Variants in RNF220 observed in about 807,000 individuals in gnomAD.
RNF220 encodes ring finger protein 220, also known as E3 ubiquitin-protein ligase RNF220.
RNF220 carries 7 observed loss-of-function variants against 67.1 expected under a neutral mutation model. The observed-to-expected ratio is 0.10, with a 90% confidence interval of 0.06 to 0.20. RNF220 has a LOEUF of 0.20. RNF220 is among the 10% of genes least tolerant of loss of function. The pLI is 1.00. For synonymous variants in RNF220, 270 were observed against 283.2 expected, an observed-to-expected ratio of 0.95 and a Z score of 0.47; for missense variants, 565 against 740.3, an observed-to-expected ratio of 0.76 and a Z score of 2.75.
At chr1:44,616,504 AG>A (rs1387675166) in intron 3 of RNF220, among the ~76,000 whole-genome samples, 2 of 152,180 alleles carry the variant, frequency 1.3e-5, no homozygotes, top group African/African-American at 4.8e-5. Context: ...GACATCTCTA[AG>A]GTTGCACAGC....
intron 2 of RNF220, among the ~76,000 whole-genome samples, chr1:44,540,573 A>G (rs1280596382): frequency 1.3e-5 from 2 of 152,124 alleles, no homozygotes; most frequent in African/African-American, 4.8e-5. Context: ...TCTGCCTTCT[A>G]TGGGGAAGTT....
At chr1:44,422,643 G>T (rs1386492790) in intron 2 of RNF220, among the ~76,000 whole-genome samples, 1 of 152,196 alleles carries the variant, frequency 6.6e-6, no homozygotes, top group African/African-American at 2.4e-5. Flanking sequence ...ATGAGAAGTT[G>T]AGTGACTTGT....
intron 6 of RNF220, among the ~76,000 whole-genome samples, chr1:44,633,699 TATC>T (rs1278389983): frequency 2.6e-5 from 4 of 152,214 alleles, no homozygotes; most frequent in Non-Finnish European, 5.9e-5. Context: ...AACATTGTGG[TATC>T]ATCAGCACCT....
At chr1:44,607,220 C>T (rs776919852) in intron 2 of RNF220, among the ~76,000 whole-genome samples, 4 of 152,226 alleles carry the variant, frequency 2.6e-5, no homozygotes, top group Non-Finnish European at 5.9e-5. Flanking sequence ...CCTTAGACCA[C>T]TGGCTACTTT....
intron 2 of RNF220, among the ~76,000 whole-genome samples, chr1:44,413,399 C>G (rs1464624178): frequency 6.6e-6 from 1 of 152,138 alleles, no homozygotes; most frequent in Non-Finnish European, 1.5e-5. Context: ...TGTGACTGCT[C>G]CAAATTTGAT....
chr1:44,481,271 A>T (rs1201687229), intron 2 of RNF220, among the ~76,000 whole-genome samples: 1 of 152,128 alleles, frequency 6.6e-6, no homozygotes, highest in Non-Finnish European at 1.5e-5. Flanking sequence ...AAAGAATTTT[A>T]AAAATTAGCT....
At chr1:44,593,100 C>T (rs568393767) in intron 2 of RNF220, among the ~76,000 whole-genome samples, 1 of 152,280 alleles carries the variant, frequency 6.6e-6, no homozygotes, top group South Asian at 2.1e-4. Flanking sequence ...AGGAGCAGAC[C>T]ATACCCAATC....
At chr1:44,468,925 A>G (rs1572598018) in intron 2 of RNF220, among the ~76,000 whole-genome samples, 1 of 152,040 alleles carries the variant, frequency 6.6e-6, no homozygotes, top group African/African-American at 2.4e-5. Flanking sequence ...TCAAAAAAAA[A>G]AGAATAGAAT....
At chr1:44,428,669 C>T (rs959633510) in intron 2 of RNF220, among the ~76,000 whole-genome samples, 2 of 152,148 alleles carry the variant, frequency 1.3e-5, no homozygotes, top group Non-Finnish European at 2.9e-5. Context: ...TCCCTCTTTC[C>T]GACTTCGCAT....
At chr1:44,554,077 T>A (rs199833023) in intron 2 of RNF220, among the ~76,000 whole-genome samples, 6 of 152,160 alleles carry the variant, frequency 3.9e-5, no homozygotes, top group Non-Finnish European at 8.8e-5. Context: ...GCAAGCTTGG[T>A]TGTTGGGGCA....
chr1:44,476,737 G>A (rs1295109466), intron 2 of RNF220, among the ~76,000 whole-genome samples: 1 of 152,186 alleles, frequency 6.6e-6, no homozygotes, highest in Admixed American at 6.5e-5. Context: ...AGATAGCCTT[G>A]GGCTTCAGGT....
chr1:44,473,468 C>G (rs1655001739), intron 2 of RNF220, among the ~76,000 whole-genome samples: 1 of 124,560 alleles, frequency 8.0e-6, no homozygotes, highest in Non-Finnish European at 1.6e-5. Flanking sequence ...CTTTTCTCCC[C>G]ATCTCAGCTC....
chr1:44,645,337 C>A lies in RNF220; in HGVS notation c.1366+61C>A. The A allele has an allele frequency of 6.2e-7, 1 of 1,613,052 alleles. No individual in the cohort carries two copies. Among genetic ancestry groups the A allele is most frequent in the Non-Finnish European group, 8.5e-7 (1 of 1,179,038 alleles). On this transcript the variant is annotated intron_variant, in intron 11 of 14. Transcript: ENST00000361799. The surrounding 1 kb of genome is among the most constrained non-coding windows in gnomAD (Gnocchi z 5.0). ...AGGGGGTATCCCTAGATGGTGGTGA[C>A]TGACTCAAGCCCAACCCCTCACCTG...
intron 2 of RNF220, among the ~76,000 whole-genome samples, chr1:44,607,958 C>G (rs1667399994): frequency 6.9e-6 from 1 of 144,646 alleles, no homozygotes; most frequent in Non-Finnish European, 1.5e-5. Context: ...GGGTCTCACT[C>G]TGTAGGCCAG....
intron 2 of RNF220, among the ~76,000 whole-genome samples, chr1:44,442,130 C>A (rs1651619736): frequency 1.3e-5 from 2 of 151,472 alleles, no homozygotes; most frequent in Non-Finnish European, 2.9e-5. Flanking sequence ...AAAGACATTT[C>A]TTTTTTTTTC....
intron 2 of RNF220, 151 bp from the exon 3 acceptor site, chr1:44,614,014 G>C (rs1227166828): frequency 1.1e-6 from 1 of 879,478 alleles, no homozygotes; most frequent in East Asian, 2.8e-5. Flanking sequence ...AGGAGGAGGG[G>C]TGCTCGTGGG....
At chr1:44,414,831 T>G (rs1299614405) in intron 2 of RNF220, among the ~76,000 whole-genome samples, 1 of 151,810 alleles carries the variant, frequency 6.6e-6, no homozygotes, top group East Asian at 1.9e-4. Flanking sequence ...GAGTACCCTG[T>G]GTTCTCCTTT....
intron 2 of RNF220, among the ~76,000 whole-genome samples, chr1:44,418,163 G>A (rs1224378220): frequency 1.3e-5 from 2 of 152,208 alleles, no homozygotes; most frequent in Non-Finnish European, 2.9e-5. Context: ...ATGGGAGCGC[G>A]CGGGAGGCGC....
intron 2 of RNF220, among the ~76,000 whole-genome samples, chr1:44,420,734 T>C (rs1649118455): frequency 6.6e-6 from 1 of 152,192 alleles, no homozygotes; most frequent in Admixed American, 6.5e-5. Flanking sequence ...ACCTAATCTC[T>C]CTGGGCCTCA....
Sources: gnomAD v4.1 joint callset for allele counts (sites outside exome capture counted in the v4.1 genomes callset) on GRCh38, gnomAD v4.1.1 for gene constraint, Gnocchi (gnomAD v3.1) non-coding constraint, MANE v1.5 for transcripts, NCBI Gene and HGNC (gene_info 2026-07-23, HGNC 2026-07-21) for gene names.